The following PRDM12 variants were observed in gnomAD, a reference collection of about 807,000 sequenced individuals.
PRDM12 encodes the protein PR domain zinc finger protein 12.
In PRDM12, 17 loss-of-function variants were observed where a neutral mutation model predicts 29.6. That is an observed-to-expected ratio of 0.57 (90% confidence interval 0.39 to 0.86). PRDM12 has a LOEUF of 0.86. Ranked by LOEUF, PRDM12 falls within the 40% of genes least tolerant of loss-of-function variation. PRDM12 has a pLI of 0.00. For missense variants in PRDM12, 422 were observed against 510.8 expected (o/e 0.83, Z 1.68); for synonymous variants, 231 against 225.8 (o/e 1.02, Z -0.21).
rs747226470 is a variant in PRDM12, at chr9:130,681,567, G to T, written c.1002G>T (p.Ser334=). 8.3e-7 allele frequency: 1 copy of T among 1,204,544 alleles called. No individual in the cohort carries two copies. Among genetic ancestry groups the T allele is most frequent in the Non-Finnish European group, 1.0e-6 (1 of 970,498 alleles). 74.6% of individuals were successfully genotyped at this position (1,204,544 alleles called of 1,614,324 possible). A position where few individuals can be genotyped will look rare whatever the true frequency, so the allele number is the denominator to read the frequency against. The change falls in exon 5 of 5, where the codon TCG becomes TCT. Residue 334 remains serine, a synonymous_variant. Coordinates refer to ENST00000253008, the MANE Select transcript of PRDM12 (RefSeq NM_021619.3). The surrounding 1 kb of genome is among the most constrained non-coding windows in gnomAD (Gnocchi z 8.1). ...RPPSTALQAH[S]PALPAPHAHA... ...CCAGCACCGCGCTGCAGGCACACTC[G>T]CCCGCGCTGCCCGCCCCGCACGCGC...
chr9:130,675,743 G>A (rs1462586365), intron 3 of PRDM12, among the ~76,000 whole-genome samples: 2 of 152,228 alleles, frequency 1.3e-5, no homozygotes, highest in South Asian at 4.1e-4. Flanking sequence ...TCAGCAGATG[G>A]GGAGCCCTAG....
chr9:130,675,236 G>T (rs1308576690), intron 3 of PRDM12, among the ~76,000 whole-genome samples: 1 of 152,316 alleles, frequency 6.6e-6, no homozygotes, highest in South Asian at 2.1e-4. Context: ...TTAAAAGGCC[G>T]GTGTTGGCTT....
chr9:130,680,653 A>T lies in PRDM12; in HGVS notation c.683-595A>T, dbSNP rs1311289911. ...AAAAAAAATATATATATATATATAT[A>T]TATATATTTTTTTTTTTTTTAACTG... On this transcript the variant is annotated intron_variant, in intron 4 of 4. Transcript: ENST00000253008. Among the ~76,000 whole-genome samples, 47 of 80,794 alleles carry T rather than the reference A, an allele frequency of 5.8e-4. 1 individual carries two copies. The highest frequency in any genetic ancestry group is 1.8e-3 in the African/African-American group (23 of 12,568). The allele number at this position is 80,794 out of a possible 152,430, so 53.0% of individuals were successfully genotyped here.
At chr9:130,672,561 C>T (rs1183474595) in intron 3 of PRDM12, among the ~76,000 whole-genome samples, 3 of 152,162 alleles carry the variant, frequency 2.0e-5, no homozygotes, top group African/African-American at 4.8e-5. Flanking sequence ...ATTTTTATGA[C>T]GGCGAAACTG....
rs1588190135 is a variant in PRDM12 at position 130,681,690 on chromosome 9, G to T, written c.*21G>T. On this transcript the variant is annotated 3_prime_UTR_variant, in exon 5 of 5. Coordinates refer to ENST00000253008, the MANE Select transcript of PRDM12 (RefSeq NM_021619.3). This position sits in a 1 kb window ranked among gnomAD's most constrained non-coding sequence, Gnocchi z 8.1. ...TGTGAGCGCGCCCGCGCCCCCGCCG[G>T]GCCCCGCGCGCTCCTGGGTCCCCGG... 9 of 980,568 alleles carry T rather than the reference G, an allele frequency of 9.2e-6. No individual in the cohort carries two copies. In the African/African-American group the frequency reaches 1.4e-4, roughly 15 times the overall value. The allele number at this position is 980,568 out of a possible 1,614,324, so 60.7% of individuals were successfully genotyped here.
chr9:130,681,536 G>A lies in PRDM12; in HGVS notation c.971G>A (p.Arg324Gln). 7.4e-7 allele frequency: 1 copy of A among 1,354,748 alleles called. No homozygotes were observed. Among genetic ancestry groups the A allele is most frequent in the Non-Finnish European group, 9.6e-7 (1 of 1,046,998 alleles). 83.9% of individuals were successfully genotyped at this position (1,354,748 alleles called of 1,614,324 possible). ...LRAHQKSARHRPPSTALQAHS... is the reference protein window; with the variant it reads ...LRAHQKSARHQPPSTALQAHS... ...GCCCACCAGAAGAGCGCGCGGCACC[G>A]GCCGCCCAGCACCGCGCTGCAGGCA... is the stretch of plus-strand genomic sequence containing the variant. The change falls in exon 5 of 5, where the codon CGG becomes CAG. Residue 324 changes from arginine (R) to glutamine (Q), a missense_variant. By Grantham distance (43) the Arg-to-Gln change is conservative. Coordinates refer to ENST00000253008, the MANE Select transcript of PRDM12 (RefSeq NM_021619.3). The surrounding 1 kb of genome is among the most constrained non-coding windows in gnomAD (Gnocchi z 8.1).
intron 3 of PRDM12, among the ~76,000 whole-genome samples, chr9:130,675,530 C>G (rs1830833969): frequency 6.6e-6 from 1 of 152,234 alleles, no homozygotes; most frequent in Admixed American, 6.5e-5. Flanking sequence ...CCTGCAGGGA[C>G]CTGGATGCGC....
chr9:130,681,727 C>A lies in PRDM12; in HGVS notation c.*58C>A. 1 of 979,400 alleles carries A rather than the reference C, an allele frequency of 1.0e-6. No homozygotes were observed. The highest frequency in any genetic ancestry group is 1.2e-6 in the Non-Finnish European group (1 of 825,736). 60.7% of individuals were successfully genotyped at this position (979,400 alleles called of 1,614,324 possible). ...TCCTGGGTCCCCGGCACCCCGGCCC[C>A]GCAGCGCGACTCGCCCTCCAGCCCC... On this transcript the variant is annotated 3_prime_UTR_variant, in exon 5 of 5. Transcript: ENST00000253008. This position sits in a 1 kb window ranked among gnomAD's most constrained non-coding sequence, Gnocchi z 8.1.
chr9:130,678,326 AG>A (rs905807437), intron 3 of PRDM12, among the ~76,000 whole-genome samples: 1 of 151,512 alleles, frequency 6.6e-6, no homozygotes, highest in Non-Finnish European at 1.5e-5. Context: ...GGGCAGGGAG[AG>A]GGGGGCAGAG....
intron 2 of PRDM12, among the ~76,000 whole-genome samples, chr9:130,667,609 C>A (rs1474080817): frequency 6.6e-6 from 1 of 152,156 alleles, no homozygotes; most frequent in Non-Finnish European, 1.5e-5. Flanking sequence ...GACCTCATCT[C>A]CCTCCTCTGG....
intron 3 of PRDM12, among the ~76,000 whole-genome samples, chr9:130,672,926 C>A (rs1463586840): frequency 6.6e-6 from 1 of 152,172 alleles, no homozygotes; most frequent in African/African-American, 2.4e-5. Flanking sequence ...TGGGGAAGGA[C>A]AGATCTTCTG....
intron 3 of PRDM12, among the ~76,000 whole-genome samples, chr9:130,676,518 C>CA (rs952331395): frequency 5.9e-5 from 9 of 152,052 alleles, no homozygotes; most frequent in African/African-American, 1.9e-4. Flanking sequence ...AAAAGAAAAA[C>CA]AAAAAAAACC....
At chr9:130,669,673 G>A (rs553991430) in intron 3 of PRDM12, among the ~76,000 whole-genome samples, 1,559 of 151,252 alleles carry the variant, frequency 0.01, 13 homozygotes, top group Middle Eastern at 0.017. Flanking sequence ...AAAATTAGCC[G>A]GGTGTGGTTG....
rs1488602393 is a variant in PRDM12 at position 130,668,529 on chromosome 9, C to T, written c.570+216C>T. Among the ~76,000 whole-genome samples, 1 of 152,206 alleles carries T rather than the reference C, an allele frequency of 6.6e-6. No individual in the cohort carries two copies. Among genetic ancestry groups the T allele is most frequent in the East Asian group, 1.9e-4 (1 of 5,194 alleles). On this transcript the variant is annotated intron_variant, in intron 3 of 4. Coordinates refer to ENST00000253008, the MANE Select transcript of PRDM12 (RefSeq NM_021619.3). This position sits in a 1 kb window ranked among gnomAD's most constrained non-coding sequence, Gnocchi z 4.0. The stretch of plus-strand genomic sequence containing the variant: ...GACCTCCATGGGAAGCTTTCTGCTG[C>T]AGATCAGAAATGATGGAGCTCTCAA...
intron 3 of PRDM12, among the ~76,000 whole-genome samples, chr9:130,676,500 A>C (rs1282845291): frequency 6.6e-6 from 1 of 152,200 alleles, no homozygotes; most frequent in South Asian, 2.1e-4. Flanking sequence ...CGTCTCAAAA[A>C]AAAACAAAAA....
chr9:130,667,111 C>A (rs931311732), intron 2 of PRDM12, among the ~76,000 whole-genome samples: 1 of 152,252 alleles, frequency 6.6e-6, no homozygotes, highest in Non-Finnish European at 1.5e-5. Flanking sequence ...TGCCCAGGGT[C>A]CCCACGCGCC....
intron 1 of PRDM12, among the ~76,000 whole-genome samples, chr9:130,666,037 C>T (rs1214171437): frequency 1.3e-5 from 2 of 152,182 alleles, no homozygotes; most frequent in East Asian, 1.9e-4. Context: ...GGTCACACAG[C>T]GAGCGCAGAG....
rs1588190015 is a variant in PRDM12 at position 130,681,544 on chromosome 9, A to G, written c.979A>G (p.Ser327Gly). 7.9e-7 allele frequency: 1 copy of G among 1,270,136 alleles called. No individual in the cohort carries two copies. The highest frequency in any genetic ancestry group is 9.9e-7 in the Non-Finnish European group (1 of 1,005,892). The allele number at this position is 1,270,136 out of a possible 1,614,324, so 78.7% of individuals were successfully genotyped here. ...HQKSARHRPP[S>G]TALQAHSPAL... is the part of the protein sequence containing the mutation. Reference sequence around the variant, plus strand: ...GAAGAGCGCGCGGCACCGGCCGCCCAGCACCGCGCTGCAGGCACACTCGCC... The same window carrying G: ...GAAGAGCGCGCGGCACCGGCCGCCCGGCACCGCGCTGCAGGCACACTCGCC... Residue 327 changes from serine to glycine, a missense_variant, in exon 5 of 5, where the codon AGC becomes GGC. Ser to Gly is a moderately conservative substitution (Grantham distance 56). Transcript: ENST00000253008. This position sits in a 1 kb window ranked among gnomAD's most constrained non-coding sequence, Gnocchi z 8.1.
rs1239092724 is a variant in PRDM12, at chr9:130,664,935, C to T, written c.223+59C>T. On this transcript the variant is annotated intron_variant, in intron 1 of 4. Transcript: ENST00000253008. This position sits in a 1 kb window ranked among gnomAD's most constrained non-coding sequence, Gnocchi z 6.4. Reference sequence around the variant, plus strand: ...TCCTCCCGGCGACCCCCATTCCCGTCCTGGCGATGCGCGAGACGCGGCTGG... The same window carrying T: ...TCCTCCCGGCGACCCCCATTCCCGTTCTGGCGATGCGCGAGACGCGGCTGG... 1 of 1,439,216 alleles carries T rather than the reference C, an allele frequency of 6.9e-7. No individual in the cohort carries two copies. 89.2% of individuals were successfully genotyped at this position (1,439,216 alleles called of 1,614,324 possible).
Sources: gnomAD v4.1 joint callset for allele counts (sites outside exome capture counted in the v4.1 genomes callset) on GRCh38, gnomAD v4.1.1 for gene constraint, Gnocchi (gnomAD v3.1) non-coding constraint, MANE v1.5 for transcripts, NCBI Gene and HGNC (gene_info 2026-07-23, HGNC 2026-07-21) for gene names.